The following BAZ1B variants were observed in gnomAD, a reference collection of about 807,000 sequenced individuals.
BAZ1B encodes tyrosine-protein kinase BAZ1B.
Under a neutral mutation model 153.8 loss-of-function variants are expected in BAZ1B, and 22 were observed. That is an observed-to-expected ratio of 0.14 (90% CI 0.10 to 0.20). The LOEUF (loss-of-function observed/expected upper bound fraction) is 0.20. BAZ1B is among the 10% of genes least tolerant of loss of function. BAZ1B has a pLI of 1.00. For missense variants in BAZ1B, 1,325 were observed against 1,799.3 expected (o/e 0.74, Z 4.77); for synonymous variants, 676 against 633.4 (o/e 1.07, Z -1.01).
intron 3 of BAZ1B, among the ~76,000 whole-genome samples, chr7:73,503,618 T>C (rs1317504575): frequency 2.6e-5 from 4 of 152,098 alleles, no homozygotes; most frequent in African/African-American, 9.7e-5. Context: ...CAAGCCAACC[T>C]CCCGCCTCAG....
intron 6 of BAZ1B, among the ~76,000 whole-genome samples, chr7:73,484,286 GGGA>G (rs1462159945): frequency 6.6e-6 from 1 of 151,332 alleles, no homozygotes; most frequent in Non-Finnish European, 1.5e-5. Context: ...GAGGGACGGA[GGGA>G]GGAAGATAGA....
intron 9 of BAZ1B, 41 bp downstream of exon 9, chr7:73,469,476 G>A: frequency 1.2e-6 from 2 of 1,608,908 alleles, no homozygotes; most frequent in Non-Finnish European, 1.7e-6. Context: ...GAGCCCACTT[G>A]AGCAGGGTGA....
At chr7:73,452,588 G>T (rs1788058468) in intron 13 of BAZ1B, among the ~76,000 whole-genome samples, 1 of 152,160 alleles carries the variant, frequency 6.6e-6, no homozygotes, top group South Asian at 2.1e-4. Flanking sequence ...CGGGTGTGGT[G>T]ATGTGTGCCT....
intron 1 of BAZ1B, among the ~76,000 whole-genome samples, chr7:73,512,454 T>C (rs1790627201): frequency 6.6e-6 from 1 of 152,240 alleles, no homozygotes; most frequent in Non-Finnish European, 1.5e-5. Flanking sequence ...GAAAGTACTT[T>C]TGATATAATA....
intron 13 of BAZ1B, among the ~76,000 whole-genome samples, chr7:73,458,984 C>CA (rs1409660827): frequency 1.3e-5 from 2 of 152,136 alleles, no homozygotes; most frequent in Non-Finnish European, 2.9e-5. Context: ...AGTGGTGGCT[C>CA]ACGCCTGTAA....
chr7:73,455,696 T>C (rs1476903608), intron 13 of BAZ1B, among the ~76,000 whole-genome samples: 2 of 152,084 alleles, frequency 1.3e-5, no homozygotes, highest in African/African-American at 2.4e-5. Flanking sequence ...GGTGGGAGGA[T>C]TGCCTGAGCC....
intron 3 of BAZ1B, among the ~76,000 whole-genome samples, chr7:73,502,389 A>T (rs913317949): frequency 6.6e-6 from 1 of 151,846 alleles, no homozygotes; most frequent in Non-Finnish European, 1.5e-5. Flanking sequence ...AGTGCAAAAC[A>T]TTTTTATAAA....
In BAZ1B at chr7:73,478,058, T is replaced by C. The variant is rs1789059165; in HGVS notation, c.1403A>G (p.His468Arg). Residue 468 changes from histidine (H) to arginine (R), a missense_variant, in exon 7 of 20, where the codon CAT becomes CGT. His to Arg is a conservative substitution (Grantham distance 29). Coordinates refer to ENST00000339594, the MANE Select transcript of BAZ1B (RefSeq NM_032408.4). Reference protein sequence around the residue: ...GGTPRTSSKPHKHLPPAALHL... With the variant: ...GGTPRTSSKPRKHLPPAALHL... ...TAGGGCTGCAGGAGGCAGATGTTTA[T>C]GAGGTTTACTAGAGGTCCTAGGTGT... The C allele has an allele frequency of 6.2e-7, 1 of 1,614,192 alleles. No individual in the cohort carries two copies. Among genetic ancestry groups the C allele is most frequent in the Non-Finnish European group, 8.5e-7 (1 of 1,180,014 alleles).
intron 2 of BAZ1B, among the ~76,000 whole-genome samples, chr7:73,508,991 C>T (rs1479014925): frequency 2.1e-5 from 3 of 146,164 alleles, no homozygotes; most frequent in Non-Finnish European, 4.5e-5. Context: ...CCAGCCTGGG[C>T]GACAGAGCGA....
intron 13 of BAZ1B, among the ~76,000 whole-genome samples, chr7:73,456,359 T>C (rs1256172257): frequency 6.6e-6 from 1 of 152,072 alleles, no homozygotes; most frequent in East Asian, 1.9e-4. Flanking sequence ...ATCAACAGAA[T>C]GAAAAGGCTA....
chr7:73,515,531 CTTT>C (rs869065388), intron 1 of BAZ1B, among the ~76,000 whole-genome samples: 10 of 111,392 alleles, frequency 9.0e-5, no homozygotes, highest in African/African-American at 1.0e-4. Flanking sequence ...AGCCTTGTTC[CTTT>C]TTTTTTTTTT....
chr7:73,457,913 C>T lies in BAZ1B; in HGVS notation c.3432+1623G>A, dbSNP rs533093346. On this transcript the variant is annotated intron_variant, in intron 13 of 19. Coordinates refer to ENST00000339594, the MANE Select transcript of BAZ1B (RefSeq NM_032408.4). ...GTTCAGAGAACACGTGAAAGCCCCACGTACCCCTGCTCCGCCACCTTCCTT... is the reference window on the plus strand; with the variant it reads ...GTTCAGAGAACACGTGAAAGCCCCATGTACCCCTGCTCCGCCACCTTCCTT... Among the ~76,000 whole-genome samples, 19 of 152,312 alleles carry T rather than the reference C, an allele frequency of 1.2e-4. No homozygotes were observed. The South Asian group carries it at 3.7e-3, about 30-fold the overall frequency.
At chr7:73,492,035 C>T (rs1359408793) in intron 5 of BAZ1B, among the ~76,000 whole-genome samples, 2 of 149,960 alleles carry the variant, frequency 1.3e-5, no homozygotes, top group Non-Finnish European at 3.0e-5. Flanking sequence ...CTATGTTGCC[C>T]AGGCTGGAGT....
At chr7:73,519,310 C>G (rs1223873599) in intron 1 of BAZ1B, among the ~76,000 whole-genome samples, 1 of 152,162 alleles carries the variant, frequency 6.6e-6, no homozygotes, top group Admixed American at 6.6e-5. Flanking sequence ...ACTGGGAATA[C>G]TACTTCAAAG....
chr7:73,514,425 C>G (rs564745753), intron 1 of BAZ1B, among the ~76,000 whole-genome samples: 3 of 150,876 alleles, frequency 2.0e-5, no homozygotes, highest in Non-Finnish European at 4.4e-5. Context: ...CCCAGCTACT[C>G]GGGAGGCTGA....
intron 1 of BAZ1B, among the ~76,000 whole-genome samples, chr7:73,517,975 CAA>C (rs1790877790): frequency 6.6e-6 from 1 of 152,154 alleles, no homozygotes; most frequent in Non-Finnish European, 1.5e-5. Flanking sequence ...CAGAAGATGG[CAA>C]AGAGTGAGCC....
In BAZ1B at chr7:73,478,471, T is replaced by C; in HGVS notation, c.990A>G (p.Ser330=). The part of the protein sequence containing the change: ...KSKTDNSSLS[S]PLNPKLWCHV... ...GACACCATAACTTAGGATTTAGTGG[T>C]GAACTAAGAGAAGAGTTGTCTGTCT... Residue 330 remains serine (S), a synonymous_variant, in exon 7 of 20, where the codon TCA becomes TCG. Coordinates refer to ENST00000339594, the MANE Select transcript of BAZ1B (RefSeq NM_032408.4). 1 of 1,611,266 alleles carries C rather than the reference T, an allele frequency of 6.2e-7. No individual in the cohort carries two copies. Among genetic ancestry groups the C allele is most frequent in the Non-Finnish European group, 8.5e-7 (1 of 1,178,872 alleles).
At chr7:73,459,203 G>A (rs545209462) in intron 13 of BAZ1B, among the ~76,000 whole-genome samples, 16 of 150,594 alleles carry the variant, frequency 1.1e-4, no homozygotes, top group African/African-American at 3.4e-4. Flanking sequence ...AGCTGAGATT[G>A]CACCACTGCA....
At chr7:73,444,999 G>A (rs1381225255) in intron 16 of BAZ1B, among the ~76,000 whole-genome samples, 3 of 147,632 alleles carry the variant, frequency 2.0e-5, no homozygotes, top group African/African-American at 7.6e-5. Flanking sequence ...GGGAAACAAG[G>A]GTGTAACTCC....
Sources: allele counts gnomAD v4.1 joint callset (sites outside exome capture counted in the v4.1 genomes callset), GRCh38; gene constraint gnomAD v4.1.1; transcripts MANE v1.5; gene names NCBI Gene and HGNC (gene_info 2026-07-23, HGNC 2026-07-21).